The following MED14 variants were observed in gnomAD, a reference collection of about 807,000 sequenced individuals.
MED14 encodes the protein mediator complex subunit 14.
Under a neutral mutation model 109.0 loss-of-function variants are expected in MED14, and 8 were observed. The observed-to-expected ratio is 0.07, with a 90% confidence interval of 0.04 to 0.13. The LOEUF is 0.13. Ranked by LOEUF, MED14 falls within the 10% of genes least tolerant of loss-of-function variation. The pLI is 1.00. For synonymous variants in MED14, 399 were observed against 408.7 expected (o/e 0.98, Z 0.29); for missense variants, 711 against 1,142.4 (o/e 0.62, Z 5.44).
chrX:40,727,952 A>T (rs767668787), intron 2 of MED14, among the ~76,000 whole-genome samples: 1 of 112,360 alleles, frequency 8.9e-6, no homozygotes, highest in Admixed American at 9.4e-5. Flanking sequence ...AAAATCGGCC[A>T]GCAATATGAT....
intron 15 of MED14, among the ~76,000 whole-genome samples, chrX:40,688,760 A>C (rs1258578584): frequency 9.0e-6 from 1 of 111,515 alleles, no homozygotes; most frequent in Non-Finnish European, 1.9e-5. Context: ...AAACACCTCC[A>C]CAAGTGGCAA....
At chrX:40,693,011 TA>T (rs1363062601) in intron 13 of MED14, 109 bp from the exon 14 acceptor site, 27,104 of 326,773 alleles carry the variant, frequency 0.083, 54 homozygotes, top group East Asian at 0.11. Context: ...GTAGATGTCT[TA>T]AAAAAAAAAA....
intron 16 of MED14, among the ~76,000 whole-genome samples, chrX:40,684,953 A>C (rs1370572609): frequency 1.8e-5 from 2 of 112,010 alleles, no homozygotes; most frequent in Non-Finnish European, 3.8e-5. Context: ...ATGGAACAGA[A>C]TGAATAAAAA....
In MED14 at chrX:40,730,518, A is replaced by C. The variant is rs371301622; in HGVS notation, c.216-1173T>G. 4.0e-4 allele frequency among the ~76,000 whole-genome samples: 45 copies of C among 111,249 alleles called. No individual in the cohort carries two copies. In the East Asian group the frequency reaches 0.012, roughly 29 times the overall value. On this transcript the variant is annotated intron_variant, in intron 1 of 30. Coordinates refer to ENST00000324817, the MANE Select transcript of MED14 (RefSeq NM_004229.4). ...GTATCTATAAGGGGAGAAGGGGAGC[A>C]GAGTTTCTGGGGGTAGAAAGAACAG...
chrX:40,730,277 G>A (rs1054651692), intron 1 of MED14, among the ~76,000 whole-genome samples: 1 of 112,328 alleles, frequency 8.9e-6, no homozygotes, highest in African/African-American at 3.2e-5. Flanking sequence ...TGAGATGGAA[G>A]TTAAAGTTAT....
chrX:40,655,417 G>A (rs749838952), intron 28 of MED14, among the ~76,000 whole-genome samples: 71 of 111,078 alleles, frequency 6.4e-4, no homozygotes, highest in Non-Finnish European at 1.1e-3. Flanking sequence ...TCTTTCCAGT[G>A]GCTGCCTCTT....
chrX:40,658,826 G>A (rs760602836), intron 28 of MED14, among the ~76,000 whole-genome samples: 5 of 110,484 alleles, frequency 4.5e-5, no homozygotes, highest in Non-Finnish European at 7.6e-5. Context: ...TCTCATCACT[G>A]CACTCCAGCC....
chrX:40,651,582 C>T lies in MED14; in HGVS notation c.*224G>A, dbSNP rs1928877286. On this transcript the variant is annotated 3_prime_UTR_variant, in exon 31 of 31. Transcript: ENST00000324817. ...CTGGCAAACGGACACTGATTTATTT[C>T]CTTTGAAATGTGTCCCATTTAAACA... 15 of 927,913 alleles carry T rather than the reference C, an allele frequency of 1.6e-5. No homozygotes were observed. The highest frequency in any genetic ancestry group is 2.0e-5 in the Non-Finnish European group (15 of 742,449). The allele number at this position is 927,913 out of a possible 1,213,427, so 76.5% of individuals were successfully genotyped here.
At position 40,650,588 on chromosome X, in the gene MED14, A is replaced by T; in HGVS notation, c.*1218T>A. The T allele has an allele frequency of 1.3e-6, 1 of 753,987 alleles. No individual in the cohort carries two copies. The allele number at this position is 753,987 out of a possible 1,213,427, so 62.1% of individuals were successfully genotyped here. On this transcript the variant is annotated 3_prime_UTR_variant, in exon 31 of 31. Coordinates refer to ENST00000324817, the MANE Select transcript of MED14 (RefSeq NM_004229.4). Reference sequence around the variant, plus strand: ...TCTTTGAAGCTTAAAAAAGTCCCTGACTGACTAGGAAAGACAGCACAGTGC... The same window carrying T: ...TCTTTGAAGCTTAAAAAAGTCCCTGTCTGACTAGGAAAGACAGCACAGTGC...
chrX:40,735,547 C>A (rs748701326), upstream of MED14: 19 of 649,894 alleles, frequency 2.9e-5, no homozygotes, highest in South Asian at 4.2e-4. Context: ...GAACAGGAAG[C>A]CGTGCGCCGA....
chrX:40,729,436 A>G, intron 1 of MED14, 91 bp from the exon 2 acceptor site: 2 of 895,190 alleles, frequency 2.2e-6, no homozygotes, highest in Admixed American at 6.1e-5. Context: ...TAAATACGTT[A>G]ATGTTTCAGA....
chrX:40,730,192 G>T (rs1220676715), intron 1 of MED14, among the ~76,000 whole-genome samples: 1 of 112,230 alleles, frequency 8.9e-6, no homozygotes, highest in East Asian at 2.8e-4. Flanking sequence ...ACTTCCAGAG[G>T]TTCAAAGTAC....
chrX:40,703,812 C>T (rs1480506944), intron 10 of MED14, among the ~76,000 whole-genome samples: 2 of 112,101 alleles, frequency 1.8e-5, no homozygotes, highest in African/African-American at 6.5e-5. Flanking sequence ...CAAAAAAAAT[C>T]CAAAGTTTCT....
chrX:40,655,078 A>G lies in MED14; in HGVS notation c.3973-18T>C. 1 of 1,197,157 alleles carries G rather than the reference A, an allele frequency of 8.4e-7. No individual in the cohort carries two copies. The stretch of plus-strand genomic sequence containing the variant: ...TCAGGGAACTATTTTGAGGGGGAAA[A>G]ATCAAGATAAAGGCATATAAACATT... On this transcript the variant is annotated intron_variant, in intron 28 of 30. Coordinates refer to ENST00000324817, the MANE Select transcript of MED14 (RefSeq NM_004229.4).
Position 40,651,057 on chromosome X carries a change from T to C in MED14, c.*749A>G. ...TTATTTTTCACCCAAATCCTATATATTGAAAGACAACCAAGGTGCTAAATG... is the reference window on the plus strand; with the variant it reads ...TTATTTTTCACCCAAATCCTATATACTGAAAGACAACCAAGGTGCTAAATG... On this transcript the variant is annotated 3_prime_UTR_variant, in exon 31 of 31. Coordinates refer to ENST00000324817, the MANE Select transcript of MED14 (RefSeq NM_004229.4). The C allele has an allele frequency of 5.3e-6, 4 of 753,496 alleles. No individual in the cohort carries two copies. The highest frequency in any genetic ancestry group is 2.3e-5 in the African/African-American group (1 of 43,830). 62.1% of individuals were successfully genotyped at this position (753,496 alleles called of 1,213,427 possible). A position where few individuals can be genotyped will look rare whatever the true frequency, so the allele number is the denominator to read the frequency against.
chrX:40,718,992 T>C (rs1170732640), intron 3 of MED14, among the ~76,000 whole-genome samples: 2 of 112,089 alleles, frequency 1.8e-5, no homozygotes, highest in African/African-American at 6.5e-5. Flanking sequence ...TCCTTTAGAA[T>C]TTAACACCAA....
Position 40,677,539 on chromosome X carries a change from T to TAA in MED14, c.2881-2179_2881-2178insTT, listed in dbSNP as rs1266242876. 2.2e-3 allele frequency among the ~76,000 whole-genome samples: 246 copies of TAA among 111,779 alleles called. 1 individual carries two copies. The highest frequency in any genetic ancestry group is 4.0e-3 in the Non-Finnish European group (213 of 53,145). On this transcript the variant is annotated intron_variant, in intron 21 of 30. Coordinates refer to ENST00000324817, the MANE Select transcript of MED14 (RefSeq NM_004229.4). ...GTAATGTTGCCATATAATAGAATGT[T>TAA]TAAAATAAACATTTAGAAACAAAAA...
chrX:40,652,127 T>C (rs927275194), intron 30 of MED14, among the ~76,000 whole-genome samples: 2 of 112,429 alleles, frequency 1.8e-5, no homozygotes, highest in Non-Finnish European at 3.8e-5. Flanking sequence ...TTTAGGAAGA[T>C]ATGTCTAGAG....
chrX:40,710,922 T>C (rs1388779793), intron 8 of MED14, among the ~76,000 whole-genome samples: 1 of 111,398 alleles, frequency 9.0e-6, no homozygotes, highest in African/African-American at 3.3e-5. Flanking sequence ...AATACCAAAA[T>C]CCACGCAAAC....
Sources: allele counts gnomAD v4.1 joint callset (sites outside exome capture counted in the v4.1 genomes callset), GRCh38; gene constraint gnomAD v4.1.1; transcripts MANE v1.5; gene names NCBI Gene and HGNC (gene_info 2026-07-23, HGNC 2026-07-21).